EPC2: variants seen among roughly 807,000 people sequenced by gnomAD.
EPC2 encodes the protein enhancer of polycomb 2.
A neutral mutation model predicts 92.1 loss-of-function variants in EPC2; 14 were observed. That is an observed-to-expected ratio of 0.15 (90% CI 0.10 to 0.24). The LOEUF (loss-of-function observed/expected upper bound fraction) is 0.24, where lower values mean the gene tolerates loss of function less well. EPC2 is among the 10% of genes least tolerant of loss of function. The probability of loss-of-function intolerance (pLI) is 1.00; values close to 1 mark genes in which losing one functional copy is unlikely to be tolerated. For missense variants in EPC2, 755 were observed against 971.5 expected, an observed-to-expected ratio of 0.78 and a Z score of 2.96; for synonymous variants, 340 against 334.7, an observed-to-expected ratio of 1.02 and a Z score of -0.17.
At chr2:148,710,835 G>A (rs982980351) in intron 2 of EPC2, among the ~76,000 whole-genome samples, 28 of 152,086 alleles carry the variant, frequency 1.8e-4, no homozygotes, top group African/African-American at 6.5e-4. Context: ...ATCACACACC[G>A]GGGCCTGTTG....
At chr2:148,750,404 C>G (rs1269448220) in intron 3 of EPC2, among the ~76,000 whole-genome samples, 1 of 151,800 alleles carries the variant, frequency 6.6e-6, no homozygotes, top group Non-Finnish European at 1.5e-5. Flanking sequence ...AAAAGTAGCA[C>G]ATGGTTTATG....
At chr2:148,784,408 C>A (rs546744459) in intron 12 of EPC2, among the ~76,000 whole-genome samples, 1 of 152,294 alleles carries the variant, frequency 6.6e-6, no homozygotes, top group Admixed American at 6.5e-5. Context: ...ATACTTAACT[C>A]CACAGTTGCC....
At chr2:148,769,385 T>C in intron 8 of EPC2, 145 bp downstream of exon 8, 3 of 627,616 alleles carry the variant, frequency 4.8e-6, no homozygotes, top group Non-Finnish European at 8.6e-6. Context: ...TGGTAAAAGA[T>C]GCTAAAAGGT....
At chr2:148,656,486 T>C (rs1408005371) in intron 1 of EPC2, among the ~76,000 whole-genome samples, 1 of 152,186 alleles carries the variant, frequency 6.6e-6, no homozygotes, top group African/African-American at 2.4e-5. Context: ...AACAATAATA[T>C]ACTCTTTTGA....
chr2:148,765,234 A>T, intron 7 of EPC2, 88 bp downstream of exon 7: 1 of 984,644 alleles, frequency 1.0e-6, no homozygotes, highest in East Asian at 2.8e-5. Flanking sequence ...TAGAGTTTTT[A>T]TTCTTGCTTT....
At chr2:148,718,685 T>C (rs1359959083) in intron 2 of EPC2, among the ~76,000 whole-genome samples, 1 of 152,142 alleles carries the variant, frequency 6.6e-6, no homozygotes, top group Non-Finnish European at 1.5e-5. Flanking sequence ...TCTTTCATCT[T>C]GATCTTGGAG....
In EPC2 at chr2:148,770,940, G is replaced by A. The variant is rs1683504118; in HGVS notation, c.1376+3G>A. On this transcript the variant is annotated splice_donor_region_variant and intron_variant, in intron 9 of 13. Transcript: ENST00000258484. ...AGGCGAATTGGCAGAGGTGGAAGGT[G>A]AAGTATTTGTTTTCACCTGGTTTTT... is the stretch of plus-strand genomic sequence containing the variant. The A allele has an allele frequency of 5.6e-6, 9 of 1,607,858 alleles. No individual in the cohort carries two copies. Among genetic ancestry groups the A allele is most frequent in the Non-Finnish European group, 5.9e-6 (7 of 1,178,328 alleles).
intron 1 of EPC2, among the ~76,000 whole-genome samples, chr2:148,676,127 G>T (rs1574575254): frequency 1.4e-5 from 2 of 146,430 alleles, no homozygotes; most frequent in African/African-American, 2.5e-5. Flanking sequence ...GAATTACTTA[G>T]TTTTTTTTTT....
At chr2:148,763,319 C>T (rs182626955) in intron 6 of EPC2, among the ~76,000 whole-genome samples, 264 of 152,178 alleles carry the variant, frequency 1.7e-3, no homozygotes, top group Middle Eastern at 0.017. Context: ...ACAGTTTCTT[C>T]CTAATGAAAG....
intron 1 of EPC2, among the ~76,000 whole-genome samples, chr2:148,671,044 T>C (rs571577848): frequency 1.4e-4 from 22 of 152,314 alleles, no homozygotes; most frequent in Admixed American, 1.4e-3. Flanking sequence ...TCTTGGGTAC[T>C]TGGGAAGGAG....
chr2:148,696,239 A>G (rs1295439960), intron 2 of EPC2, among the ~76,000 whole-genome samples: 1 of 152,244 alleles, frequency 6.6e-6, no homozygotes, highest in African/African-American at 2.4e-5. Context: ...ACTTGAGTCC[A>G]GAAGTTGAAA....
chr2:148,684,525 A>G (rs1681474041), intron 1 of EPC2, among the ~76,000 whole-genome samples: 1 of 152,146 alleles, frequency 6.6e-6, no homozygotes, highest in South Asian at 2.1e-4. Context: ...ATCCAACTTG[A>G]TTCTTCTACA....
At chr2:148,652,892 T>C (rs1338603835) in intron 1 of EPC2, among the ~76,000 whole-genome samples, 1 of 152,220 alleles carries the variant, frequency 6.6e-6, no homozygotes, top group Non-Finnish European at 1.5e-5. Context: ...TTCTTCACTT[T>C]ACTAGGCTTA....
chr2:148,760,835 T>A (rs1023874559), intron 4 of EPC2, among the ~76,000 whole-genome samples: 3 of 152,184 alleles, frequency 2.0e-5, no homozygotes, highest in Admixed American at 6.5e-5. Flanking sequence ...TCTTTTATAA[T>A]CCTCCAATAT....
At chr2:148,714,947 G>GTTGCTT (rs1294405042) in intron 2 of EPC2, among the ~76,000 whole-genome samples, 1 of 150,536 alleles carries the variant, frequency 6.6e-6, no homozygotes, top group Non-Finnish European at 1.5e-5. Flanking sequence ...TTTTGTTGCA[G>GTTGCTT]TTGCTTTTGG....
chr2:148,697,435 G>A (rs186341373), intron 2 of EPC2, among the ~76,000 whole-genome samples: 1 of 152,130 alleles, frequency 6.6e-6, no homozygotes, highest in East Asian at 1.9e-4. Context: ...ATTAATGAAT[G>A]GAAGAGCACT....
chr2:148,767,199 A>G (rs1229081921), intron 7 of EPC2, among the ~76,000 whole-genome samples: 1 of 7,288 alleles, frequency 1.4e-4, no homozygotes, highest in Non-Finnish European at 8.5e-4. Flanking sequence ...CCCTGTTTCA[A>G]AAAAAAAAAA....
chr2:148,726,758 G>GTTTTTTTTTTT (rs1448355101), intron 2 of EPC2, among the ~76,000 whole-genome samples: 1 of 75,274 alleles, frequency 1.3e-5, no homozygotes. Flanking sequence ...TTTTTGTTTT[G>GTTTTTTTTTTT]TTTTTTGTTT....
At chr2:148,681,321 A>G (rs1681389952) in intron 1 of EPC2, among the ~76,000 whole-genome samples, 1 of 152,144 alleles carries the variant, frequency 6.6e-6, no homozygotes, top group Admixed American at 6.5e-5. Context: ...AATGTGGACC[A>G]GAAGGGTTTA....
Sources: gnomAD v4.1 joint callset for allele counts (sites outside exome capture counted in the v4.1 genomes callset) on GRCh38, gnomAD v4.1.1 for gene constraint, MANE v1.5 for transcripts, NCBI Gene and HGNC (gene_info 2026-07-23, HGNC 2026-07-21) for gene names.